Variants in TTBK2 observed in about 807,000 individuals in gnomAD.
TTBK2 encodes the protein tau tubulin kinase 2.
TTBK2 carries 28 observed loss-of-function variants against 110.8 expected under a neutral mutation model. The observed-to-expected ratio is 0.25, with a 90% CI of 0.19 to 0.35. TTBK2 has a LOEUF of 0.35. Among genes scored for constraint, TTBK2 ranks in the 10% least tolerant of loss-of-function variants. The pLI is 1.00. For missense variants in TTBK2, 1,369 were observed against 1,500.3 expected (o/e 0.91, Z 1.45); for synonymous variants, 532 against 527.3 (o/e 1.01, Z -0.12).
At chr15:42,882,319 C>A (rs1429871522) in intron 1 of TTBK2, among the ~76,000 whole-genome samples, 2 of 151,852 alleles carry the variant, frequency 1.3e-5, no homozygotes, top group African/African-American at 4.8e-5. Context: ...TAGAAAACAG[C>A]CAGGCACGGT....
At chr15:42,897,673 T>C (rs1895718791) in intron 1 of TTBK2, among the ~76,000 whole-genome samples, 1 of 152,120 alleles carries the variant, frequency 6.6e-6, no homozygotes, top group Admixed American at 6.6e-5. Context: ...GAACATAAGA[T>C]GTGTTTTAGG....
Position 42,740,171 on chromosome 15 carries a change from C to T in TTBK2, c.*5624G>A, listed in dbSNP as rs1266741525. On this transcript the variant is annotated 3_prime_UTR_variant, in exon 15 of 15. Coordinates refer to ENST00000267890, the MANE Select transcript of TTBK2 (RefSeq NM_173500.4). ...GGTACCTGGGAGGCATGGTCAGCAT[C>T]GCCAGTGTACATATATTCTGTGCCC... The T allele has an allele frequency of 2.0e-5, 3 of 152,156 alleles. No individual in the cohort carries two copies. Among genetic ancestry groups the T allele is most frequent in the African/African-American group, 4.8e-5 (2 of 41,432 alleles). The allele number at this position is 152,156 out of a possible 1,614,324, so 9.4% of individuals were successfully genotyped here. A position where few individuals can be genotyped will look rare whatever the true frequency, so the allele number is the denominator to read the frequency against.
intron 3 of TTBK2, among the ~76,000 whole-genome samples, chr15:42,866,044 G>A (rs1894359724): frequency 6.6e-6 from 1 of 152,080 alleles, no homozygotes; most frequent in Admixed American, 6.6e-5. Flanking sequence ...AAAGTAAATG[G>A]ATGTAAATTA....
intron 6 of TTBK2, among the ~76,000 whole-genome samples, chr15:42,824,280 A>G (rs1452053200): frequency 2.0e-5 from 3 of 152,168 alleles, no homozygotes; most frequent in East Asian, 1.9e-4. Context: ...GAATCTATAC[A>G]TGTGATAAAA....
At chr15:42,772,625 T>A (rs1202873593) in intron 13 of TTBK2, among the ~76,000 whole-genome samples, 2 of 152,190 alleles carry the variant, frequency 1.3e-5, no homozygotes, top group Non-Finnish European at 2.9e-5. Flanking sequence ...CCCAGCCACA[T>A]TTACACTGTT....
chr15:42,870,096 C>T (rs1305821117), intron 3 of TTBK2, among the ~76,000 whole-genome samples: 1 of 152,042 alleles, frequency 6.6e-6, no homozygotes, highest in Non-Finnish European at 1.5e-5. Flanking sequence ...ATCACTTGAA[C>T]CCAGGAGGCG....
At chr15:42,843,352 G>A (rs978655416) in intron 3 of TTBK2, among the ~76,000 whole-genome samples, 3 of 152,216 alleles carry the variant, frequency 2.0e-5, no homozygotes, top group African/African-American at 7.2e-5. Context: ...CGGGATTACG[G>A]TAGGGGCCTG....
intron 1 of TTBK2, among the ~76,000 whole-genome samples, chr15:42,886,348 T>C (rs2141152656): frequency 6.6e-6 from 1 of 152,284 alleles, no homozygotes; most frequent in East Asian, 1.9e-4. Flanking sequence ...CAATTTCCTC[T>C]TAAAGAGGTG....
chr15:42,779,846 G>T (rs1890104494), intron 11 of TTBK2, among the ~76,000 whole-genome samples: 2 of 151,992 alleles, frequency 1.3e-5, no homozygotes, highest in South Asian at 4.2e-4. Context: ...GTCGGGTGTG[G>T]TGGCACGTGC....
intron 9 of TTBK2, chr15:42,798,154 G>A (rs984767522): frequency 4.4e-6 from 2 of 453,776 alleles, no homozygotes; most frequent in African/African-American, 2.0e-5. Flanking sequence ...TAAGTGCTGG[G>A]ATTATAGGCA....
At chr15:42,920,988 G>A (rs2141232633), upstream of TTBK2, among the ~76,000 whole-genome samples, 1 of 152,324 alleles carries the variant, frequency 6.6e-6, no homozygotes, top group East Asian at 1.9e-4. Flanking sequence ...CCCCCCACCG[G>A]AGAATTGCCG....
At position 42,895,458 on chromosome 15, in the gene TTBK2, A is replaced by G. The variant is rs745425883; in HGVS notation, c.-67-16774T>C. On this transcript the variant is annotated intron_variant, in intron 1 of 14. Coordinates refer to ENST00000267890, the MANE Select transcript of TTBK2 (RefSeq NM_173500.4). ...AAACCACTAAGACACATATTTACCC[A>G]TGGAACAAATCTACACATGTACCCC... is the stretch of plus-strand genomic sequence containing the variant. Among the ~76,000 whole-genome samples the G allele has an allele frequency of 4.9e-4, 74 of 152,274 alleles. 1 individual carries two copies. The highest frequency in any genetic ancestry group is 1.9e-3 in the Admixed American group (29 of 15,286).
At chr15:42,763,185 TATATATA>T (rs1430439863) in intron 13 of TTBK2, among the ~76,000 whole-genome samples, 2 of 27,142 alleles carry the variant, frequency 7.4e-5, no homozygotes, top group Non-Finnish European at 1.3e-4. Context: ...TATATATATA[TATATATA>T]TTTTTTTTTT....
chr15:42,801,749 T>C (rs746985955), intron 9 of TTBK2: 3 of 827,326 alleles, frequency 3.6e-6, no homozygotes, highest in Non-Finnish European at 6.4e-6. Context: ...CTGAGGAAGC[T>C]GATCTTGGCA....
chr15:42,850,725 A>G (rs1268437710), intron 3 of TTBK2, among the ~76,000 whole-genome samples: 1 of 152,194 alleles, frequency 6.6e-6, no homozygotes, highest in Non-Finnish European at 1.5e-5. Flanking sequence ...TTTAAAGCAT[A>G]TACACTTTTG....
intron 9 of TTBK2, among the ~76,000 whole-genome samples, chr15:42,799,432 T>A (rs1251731424): frequency 6.6e-6 from 1 of 151,578 alleles, no homozygotes; most frequent in South Asian, 2.1e-4. Flanking sequence ...TGTATTACTT[T>A]TGTTTGTTTG....
rs1043412108 is a variant in TTBK2, at chr15:42,741,574, A to G, written c.*4221T>C. 6.6e-6 allele frequency: 1 copy of G among 152,264 alleles called. No homozygotes were observed. The highest frequency in any genetic ancestry group is 2.4e-5 in the African/African-American group (1 of 41,468). 9.4% of individuals were successfully genotyped at this position (152,264 alleles called of 1,614,324 possible). ...CCCGACACATCTGTGGTAAGTGCAC[A>G]TAAACAGAAATGGGCAGATTTTGAA... On this transcript the variant is annotated 3_prime_UTR_variant, in exon 15 of 15. Transcript: ENST00000267890.
intron 1 of TTBK2, among the ~76,000 whole-genome samples, chr15:42,899,199 T>C (rs1329100656): frequency 6.6e-6 from 1 of 151,954 alleles, no homozygotes; most frequent in Admixed American, 6.6e-5. Flanking sequence ...GGTTTTACTA[T>C]ATTGCCCAGG....
intron 13 of TTBK2, among the ~76,000 whole-genome samples, chr15:42,763,339 A>G (rs1304244751): frequency 6.9e-6 from 1 of 144,812 alleles, no homozygotes; most frequent in East Asian, 2.1e-4. Flanking sequence ...TCAGCCTCCC[A>G]AGTAGCTGGG....
Sources: allele counts gnomAD v4.1 joint callset (sites outside exome capture counted in the v4.1 genomes callset), GRCh38; gene constraint gnomAD v4.1.1; transcripts MANE v1.5; gene names NCBI Gene and HGNC (gene_info 2026-07-23, HGNC 2026-07-21).